EPM2A: variants seen among roughly 807,000 people sequenced by gnomAD.
The protein encoded by EPM2A is EPM2A glucan phosphatase, laforin, also known as laforin.
Under a neutral mutation model 26.5 loss-of-function variants are expected in EPM2A, and 21 were observed. That is an observed-to-expected ratio of 0.79 (90% CI 0.56 to 1.14). The LOEUF (loss-of-function observed/expected upper bound fraction) is 1.14, where lower values mean the gene tolerates loss of function less well. Ranked by LOEUF, EPM2A falls within the 50% of genes most tolerant of loss-of-function variation. The probability of loss-of-function intolerance (pLI) is 0.00; values close to 1 mark genes in which losing one functional copy is unlikely to be tolerated. For synonymous variants in EPM2A, 217 were observed against 177.6 expected (o/e 1.22, Z -1.76); for missense variants, 458 against 440.8 (o/e 1.04, Z -0.35).
intron 4 of EPM2A, among the ~76,000 whole-genome samples, chr6:145,448,016 C>A (rs1478237004): frequency 1.3e-5 from 2 of 152,006 alleles, no homozygotes; most frequent in Non-Finnish European, 2.9e-5. Context: ...ATATTATATT[C>A]TTGAATACTT....
At chr6:145,417,446 T>A (rs923401773) in intron 4 of EPM2A, among the ~76,000 whole-genome samples, 2 of 152,106 alleles carry the variant, frequency 1.3e-5, no homozygotes, top group African/African-American at 4.8e-5. Flanking sequence ...ATGGATTGAG[T>A]TCGTCAGGCT....
intron 4 of EPM2A, among the ~76,000 whole-genome samples, chr6:145,412,060 A>G (rs1297183225): frequency 2.0e-5 from 3 of 152,064 alleles, no homozygotes; most frequent in Non-Finnish European, 4.4e-5. Flanking sequence ...TACTAAAAGT[A>G]CAAAAAATTG....
intron 1 of EPM2A, among the ~76,000 whole-genome samples, chr6:145,690,076 T>G (rs1032540738): frequency 2.6e-5 from 4 of 151,976 alleles, no homozygotes; most frequent in African/African-American, 7.2e-5. Context: ...GAGTTAGAAC[T>G]ACCACCCCAC....
chr6:145,727,197 T>C (rs1025484221), intron 1 of EPM2A, among the ~76,000 whole-genome samples: 14 of 151,974 alleles, frequency 9.2e-5, no homozygotes, highest in African/African-American at 3.4e-4. Context: ...AAATATGACA[T>C]ATATAAGGAA....
At chr6:145,601,414 A>C (rs1349652245) in intron 2 of EPM2A, among the ~76,000 whole-genome samples, 1 of 152,162 alleles carries the variant, frequency 6.6e-6, no homozygotes. Context: ...TGGTAGTAGT[A>C]CAGCAGGGTT....
At chr6:145,405,638 G>C (rs1250003454) in intron 4 of EPM2A, among the ~76,000 whole-genome samples, 18 of 151,988 alleles carry the variant, frequency 1.2e-4, no homozygotes, top group Admixed American at 1.2e-3. Context: ...ATTCCAAAAA[G>C]CAAGAATCAG....
In EPM2A at chr6:145,384,868, T is replaced by G. The variant is rs1778237387; in HGVS notation, c.556-771A>C. ...TCATATTGGAAAGTCTAGAGTAAAC[T>G]TTTTGAGGAAAATGTTTAAGAGATA... is the stretch of plus-strand genomic sequence containing the variant. On this transcript the variant is annotated intron_variant, in intron 4 of 4. Coordinates refer to the EPM2A transcript ENST00000638717. Among the ~76,000 whole-genome samples, 3 of 147,830 alleles carry G rather than the reference T, an allele frequency of 2.0e-5. No individual in the cohort carries two copies. In the Admixed American group the frequency reaches 2.1e-4, roughly 10 times the overall value.
At chr6:145,473,268 A>G (rs936355638) in intron 4 of EPM2A, among the ~76,000 whole-genome samples, 1 of 152,048 alleles carries the variant, frequency 6.6e-6, no homozygotes, top group Non-Finnish European at 1.5e-5. Context: ...GGCATACTGA[A>G]GAATACATCA....
intron 4 of EPM2A, among the ~76,000 whole-genome samples, chr6:145,443,665 T>C (rs1355117816): frequency 1.3e-5 from 2 of 152,148 alleles, no homozygotes; most frequent in East Asian, 3.9e-4. Context: ...TATAGAATCA[T>C]GTCATCTGCA....
intron 2 of EPM2A, among the ~76,000 whole-genome samples, chr6:145,591,428 A>G (rs1222228719): frequency 1.3e-5 from 2 of 152,152 alleles, no homozygotes; most frequent in Admixed American, 6.5e-5. Flanking sequence ...AGAAACCCAA[A>G]GACAAAGAGA....
At chr6:145,400,613 C>A (rs1226660925) in intron 4 of EPM2A, among the ~76,000 whole-genome samples, 1 of 152,186 alleles carries the variant, frequency 6.6e-6, no homozygotes, top group East Asian at 1.9e-4. Context: ...TCCTCTGCTT[C>A]AACCTTTGAC....
intron 4 of EPM2A, among the ~76,000 whole-genome samples, chr6:145,385,799 ATC>A (rs1462486528): frequency 6.6e-6 from 1 of 152,038 alleles, no homozygotes; most frequent in East Asian, 1.9e-4. Context: ...CTATCTATAA[ATC>A]TGTCTCCTTC....
In EPM2A at chr6:145,625,504, G is replaced by A; in HGVS notation, c.*1912C>T. On this transcript the variant is annotated 3_prime_UTR_variant, in exon 4 of 4. Coordinates refer to ENST00000367519, the MANE Select transcript of EPM2A (RefSeq NM_005670.4). ...TTGTATCATGGAAATTATGAAGCTG[G>A]ATTTCTTAGACATTAAAGAAATTCA... 2 of 554,502 alleles carry A rather than the reference G, an allele frequency of 3.6e-6. No individual in the cohort carries two copies. Among genetic ancestry groups the A allele is most frequent in the East Asian group, 2.9e-5 (1 of 34,576 alleles). 34.3% of individuals were successfully genotyped at this position (554,502 alleles called of 1,614,324 possible).
At chr6:145,389,959 C>T (rs1420380386) in intron 4 of EPM2A, among the ~76,000 whole-genome samples, 1 of 152,222 alleles carries the variant, frequency 6.6e-6, no homozygotes, top group East Asian at 1.9e-4. Flanking sequence ...ATGGTTAATT[C>T]TTGTGTTTTC....
At chr6:145,644,200 T>C (rs925659650) in intron 2 of EPM2A, among the ~76,000 whole-genome samples, 17 of 152,238 alleles carry the variant, frequency 1.1e-4, no homozygotes, top group African/African-American at 4.1e-4. Flanking sequence ...ACAAGCATTG[T>C]ATCTCTGTTG....
chr6:145,600,056 A>C (rs1421492750), intron 2 of EPM2A, among the ~76,000 whole-genome samples: 2 of 152,174 alleles, frequency 1.3e-5, no homozygotes, highest in Non-Finnish European at 2.9e-5. Flanking sequence ...CTGTTGATCT[A>C]ATAATTGGCA....
chr6:145,708,381 G>A (rs1005600954), intron 1 of EPM2A, among the ~76,000 whole-genome samples: 3 of 152,120 alleles, frequency 2.0e-5, no homozygotes, highest in Non-Finnish European at 4.4e-5. Context: ...CAGGCCTGGA[G>A]AAGCAGGAGG....
chr6:145,651,932 C>T (rs1777913309), intron 2 of EPM2A, among the ~76,000 whole-genome samples: 1 of 152,096 alleles, frequency 6.6e-6, no homozygotes, highest in Non-Finnish European at 1.5e-5. Context: ...CCGCCCTCTT[C>T]TCATTGGTAT....
At chr6:145,415,780 C>T (rs1399649001) in intron 4 of EPM2A, among the ~76,000 whole-genome samples, 1 of 152,182 alleles carries the variant, frequency 6.6e-6, no homozygotes, top group Non-Finnish European at 1.5e-5. Context: ...GCTCCTCTGC[C>T]TCCCACCAGC....
Sources: allele counts gnomAD v4.1 joint callset (sites outside exome capture counted in the v4.1 genomes callset), GRCh38; gene constraint gnomAD v4.1.1; transcripts MANE v1.5; gene names NCBI Gene and HGNC (gene_info 2026-07-23, HGNC 2026-07-21).